The following CFAP20DC variants were observed in gnomAD, a reference collection of about 807,000 sequenced individuals.
CFAP20DC encodes protein CFAP20DC.
Under a neutral mutation model 101.7 loss-of-function variants are expected in CFAP20DC, and 84 were observed. The ratio of observed to expected loss-of-function variants is 0.83; its 90% CI spans 0.69 to 0.99. CFAP20DC has a LOEUF of 0.99. Among genes scored for constraint, CFAP20DC ranks in the 50% least tolerant of loss-of-function variants. The pLI, the probability that CFAP20DC is intolerant of heterozygous loss-of-function variation, is 0.00. For missense variants in CFAP20DC, 1,007 were observed against 970.3 expected, an observed-to-expected ratio of 1.04 and a Z score of -0.50; for synonymous variants, 359 against 351.2, an observed-to-expected ratio of 1.02 and a Z score of -0.25.
chr3:58,843,826 C>T (rs555561150), intron 13 of CFAP20DC, among the ~76,000 whole-genome samples: 157 of 143,134 alleles, frequency 1.1e-3, no homozygotes, highest in African/African-American at 3.8e-3. Context: ...CGGCAGAAAC[C>T]CTACAAGCCA....
At chr3:58,807,353 C>T (rs980036756) in intron 14 of CFAP20DC, among the ~76,000 whole-genome samples, 1 of 152,280 alleles carries the variant, frequency 6.6e-6, no homozygotes, top group East Asian at 1.9e-4. Context: ...CGGGCGGGTA[C>T]TCCTCTGAGA....
intron 4 of CFAP20DC, among the ~76,000 whole-genome samples, chr3:58,955,386 A>G (rs976810147): frequency 6.6e-6 from 1 of 152,210 alleles, no homozygotes; most frequent in Non-Finnish European, 1.5e-5. Context: ...CGGTGCAGAC[A>G]GTATTTCTGT....
At chr3:59,044,987 GACACACACACACACAC>G (rs57196071) in intron 3 of CFAP20DC, among the ~76,000 whole-genome samples, 1 of 139,846 alleles carries the variant, frequency 7.2e-6, no homozygotes, top group Non-Finnish European at 1.6e-5. Flanking sequence ...TCCTATTACA[GACACACACACACACAC>G]ACACACACAC....
intron 13 of CFAP20DC, among the ~76,000 whole-genome samples, chr3:58,846,776 T>A (rs2077689101): frequency 6.8e-6 from 1 of 146,310 alleles, no homozygotes; most frequent in Non-Finnish European, 1.5e-5. Context: ...ACTACAAGGC[T>A]ACAGTAACCA....
At chr3:58,758,226 A>G (rs577666113) in intron 15 of CFAP20DC, among the ~76,000 whole-genome samples, 3 of 152,268 alleles carry the variant, frequency 2.0e-5, no homozygotes, top group South Asian at 2.1e-4. Flanking sequence ...CAGCATCTGT[A>G]TCTTACATGT....
chr3:58,996,150 C>T (rs757014346), intron 4 of CFAP20DC, among the ~76,000 whole-genome samples: 21 of 151,870 alleles, frequency 1.4e-4, no homozygotes, highest in Admixed American at 1.3e-3. Context: ...GGTAACAACA[C>T]CATAATTGGG....
rs750578168 is a variant in CFAP20DC at position 58,806,352 on chromosome 3, A to G, written c.2237+43T>C. 4 of 1,280,564 alleles carry G rather than the reference A, an allele frequency of 3.1e-6. No individual in the cohort carries two copies. The East Asian group carries it at 6.9e-5, about 22-fold the overall frequency. The allele number at this position is 1,280,564 out of a possible 1,614,324, so 79.3% of individuals were successfully genotyped here. ...AAGAAAAATGTACAATCTTCCAACT[A>G]AGTTTTTTTTTTTCTTAAATGTAGA... On this transcript the variant is annotated intron_variant, in intron 15 of 16. Coordinates refer to ENST00000482387, the MANE Select transcript of CFAP20DC (RefSeq NM_001394063.1).
At chr3:59,048,159 C>A (rs1345747338) in intron 1 of CFAP20DC, among the ~76,000 whole-genome samples, 1 of 152,144 alleles carries the variant, frequency 6.6e-6, no homozygotes, top group African/African-American at 2.4e-5. Flanking sequence ...AGATAATTAT[C>A]TCTAAGGAAG....
At chr3:58,940,973 T>C (rs1025363244) in intron 4 of CFAP20DC, among the ~76,000 whole-genome samples, 1 of 152,164 alleles carries the variant, frequency 6.6e-6, no homozygotes, top group African/African-American at 2.4e-5. Context: ...GCCCTGCACA[T>C]CTTTTGTTAA....
chr3:58,800,973 T>C (rs2073646518), intron 15 of CFAP20DC, among the ~76,000 whole-genome samples: 1 of 128,644 alleles, frequency 7.8e-6, no homozygotes, highest in Non-Finnish European at 1.5e-5. Flanking sequence ...TCAACTCAAA[T>C]ACTGAAAAAA....
chr3:58,806,822 AG>A (rs1352792806), intron 14 of CFAP20DC, among the ~76,000 whole-genome samples: 3 of 152,220 alleles, frequency 2.0e-5, no homozygotes, highest in Admixed American at 1.3e-4. Context: ...AGTCAAAGAA[AG>A]GGGTGACAGA....
chr3:59,001,648 T>C lies in CFAP20DC; in HGVS notation c.278+37909A>G, dbSNP rs2093315525. On this transcript the variant is annotated intron_variant, in intron 4 of 16. Transcript: ENST00000482387. The surrounding 1 kb of genome is among the most constrained non-coding windows in gnomAD (Gnocchi z 4.5). ...TTGGTCTCGAACTCCCGACCTCAGGTGATCCACCTGCCTTGGCCTCCCAAA... is the reference window on the plus strand; with the variant it reads ...TTGGTCTCGAACTCCCGACCTCAGGCGATCCACCTGCCTTGGCCTCCCAAA... Among the ~76,000 whole-genome samples the C allele has an allele frequency of 6.6e-6, 1 of 152,294 alleles. No homozygotes were observed. Among genetic ancestry groups the C allele is most frequent in the East Asian group, 1.9e-4 (1 of 5,174 alleles).
chr3:58,934,154 A>G (rs1374289093), intron 5 of CFAP20DC, among the ~76,000 whole-genome samples: 2 of 152,266 alleles, frequency 1.3e-5, no homozygotes, highest in Non-Finnish European at 2.9e-5. Context: ...CTCTATGCAA[A>G]TAAACTAGAA....
chr3:58,732,764 G>T lies in CFAP20DC; in HGVS notation c.198-15136C>A, dbSNP rs558759319. Among the ~76,000 whole-genome samples the T allele has an allele frequency of 6.6e-6, 1 of 152,252 alleles. No individual in the cohort carries two copies. Among genetic ancestry groups the T allele is most frequent in the Admixed American group, 6.5e-5 (1 of 15,302 alleles). ...CCTCTTCTCTATTTTCTTGCCAAAG[G>T]CAGAAAATACCTCAGAAAGAGATGG... On this transcript the variant is annotated intron_variant, in intron 3 of 3. Transcript: ENST00000486145. The surrounding 1 kb of genome is among the most constrained non-coding windows in gnomAD (Gnocchi z 5.4).
At chr3:58,926,734 C>T (rs2086024672) in intron 5 of CFAP20DC, among the ~76,000 whole-genome samples, 2 of 152,192 alleles carry the variant, frequency 1.3e-5, no homozygotes, top group African/African-American at 4.8e-5. Context: ...TCCATCAGAG[C>T]TGTGGTTCAA....
In CFAP20DC at chr3:58,863,579, G is replaced by A. The variant is rs767136021; in HGVS notation, c.1572C>T (p.Tyr524=). Residue 524 remains tyrosine (Y), a synonymous_variant, in exon 12 of 17, where the codon TAC becomes TAT. Transcript: ENST00000482387. This position sits in a 1 kb window ranked among gnomAD's most constrained non-coding sequence, Gnocchi z 5.9. Reference sequence around the variant, plus strand: ...GTACCTCTTCACTGCTGTCGCCGCCGTAAAAATCATCCTCTGATTGGGTGT... The same window carrying A: ...GTACCTCTTCACTGCTGTCGCCGCCATAAAAATCATCCTCTGATTGGGTGT... ...SRDTQSEDDF[Y]GGDSSEEGNH... 9.3e-6 allele frequency: 15 copies of A among 1,613,944 alleles called. No homozygotes were observed. The highest frequency in any genetic ancestry group is 3.3e-5 in the Admixed American group (2 of 59,998).
chr3:58,787,583 C>T (rs1036652947), intron 15 of CFAP20DC, among the ~76,000 whole-genome samples: 4 of 152,088 alleles, frequency 2.6e-5, no homozygotes, highest in South Asian at 2.1e-4. Flanking sequence ...GACAGTGTGG[C>T]GATTCCTCAA....
intron 3 of CFAP20DC, among the ~76,000 whole-genome samples, chr3:58,731,500 T>C (rs186843241): frequency 2.5e-4 from 38 of 152,316 alleles, no homozygotes; most frequent in Admixed American, 9.2e-4. Context: ...GCTAGGTTAC[T>C]ATAAAAACAC....
At chr3:58,906,836 GAGGATAGCT>G (rs2107256873) in intron 6 of CFAP20DC, among the ~76,000 whole-genome samples, 1 of 152,252 alleles carries the variant, frequency 6.6e-6, no homozygotes, top group South Asian at 2.1e-4. Flanking sequence ...GCTGAGGCAG[GAGGATAGCT>G]TGAGCCCATG....
Sources: allele counts gnomAD v4.1 joint callset (sites outside exome capture counted in the v4.1 genomes callset), GRCh38; gene constraint gnomAD v4.1.1; non-coding constraint Gnocchi (gnomAD v3.1); transcripts MANE v1.5; gene names NCBI Gene and HGNC (gene_info 2026-07-23, HGNC 2026-07-21).